The following HGSNAT variants were observed in gnomAD, a reference collection of about 807,000 sequenced individuals.
HGSNAT encodes the protein heparan-alpha-glucosaminide N-acetyltransferase, also known as transmembrane protein 76.
A neutral mutation model predicts 85.2 loss-of-function variants in HGSNAT; 59 were observed. The observed-to-expected ratio is 0.69, with a 90% confidence interval of 0.56 to 0.86. The LOEUF is 0.86. HGSNAT is among the 40% of genes least tolerant of loss of function. The pLI is 0.00. For synonymous variants in HGSNAT, 321 were observed against 304.5 expected, an observed-to-expected ratio of 1.05 and a Z score of -0.56; for missense variants, 756 against 777.1, an observed-to-expected ratio of 0.97 and a Z score of 0.32.
intron 5 of HGSNAT, chr8:43,167,864 C>T: frequency 5.0e-6 from 1 of 201,824 alleles, no homozygotes; most frequent in South Asian, 5.3e-5. Context: ...ATATATTTAT[C>T]TTTTGTTAGT....
chr8:43,169,901 G>A (rs1158450399), intron 6 of HGSNAT, among the ~76,000 whole-genome samples: 3 of 152,056 alleles, frequency 2.0e-5, no homozygotes, highest in Non-Finnish European at 2.9e-5. Context: ...ACTCGCTGCA[G>A]CCTCAACCTC....
chr8:43,180,588 C>T (rs1586737681), intron 10 of HGSNAT: 1 of 152,090 alleles, frequency 6.6e-6, no homozygotes, highest in South Asian at 8.5e-5. Context: ...GGCGGCCGGG[C>T]AGAGACGCTC....
chr8:43,190,147 G>A (rs916012571), intron 11 of HGSNAT, among the ~76,000 whole-genome samples: 3 of 152,180 alleles, frequency 2.0e-5, no homozygotes, highest in Non-Finnish European at 2.9e-5. Flanking sequence ...AAGCATGTCG[G>A]AGTCCCATCT....
intron 2 of HGSNAT, among the ~76,000 whole-genome samples, chr8:43,155,273 A>G (rs1803056895): frequency 6.6e-6 from 1 of 152,164 alleles, no homozygotes; most frequent in Non-Finnish European, 1.5e-5. Context: ...TAGCCAATCT[A>G]AATAACTGAG....
intron 11 of HGSNAT, among the ~76,000 whole-genome samples, chr8:43,187,308 T>G (rs1270173794): frequency 3.3e-5 from 5 of 152,242 alleles, no homozygotes; most frequent in Non-Finnish European, 7.3e-5. Flanking sequence ...AGGACTTGCT[T>G]TATAAATCTG....
chr8:43,150,103 C>T (rs6993615), intron 2 of HGSNAT, among the ~76,000 whole-genome samples: 112,667 of 151,822 alleles, frequency 0.74, 44,108 homozygotes, highest in Non-Finnish European at 0.87. Flanking sequence ...ACTACAGGCG[C>T]CCGCCACCGC....
chr8:43,145,660 A>T (rs1446934602), intron 1 of HGSNAT, among the ~76,000 whole-genome samples: 1 of 152,186 alleles, frequency 6.6e-6, no homozygotes, highest in South Asian at 2.1e-4. Context: ...CTGAGGCAGG[A>T]GAATGGCTTG....
At chr8:43,178,023 TA>T in intron 9 of HGSNAT, 50 bp from the exon 10 acceptor site, 2 of 1,469,056 alleles carry the variant, frequency 1.4e-6, no homozygotes, top group Non-Finnish European at 1.9e-6. Context: ...TACTGATATA[TA>T]GACAAAAAAT....
Position 43,196,630 on chromosome 8 carries a change from C to T in HGSNAT, c.1465-318C>T, listed in dbSNP as rs535233441. The T allele has an allele frequency of 1.1e-4, 99 of 880,810 alleles. No homozygotes were observed. The African/African-American group carries it at 1.5e-3, about 14-fold the overall frequency. The allele number at this position is 880,810 out of a possible 1,614,324, so 54.6% of individuals were successfully genotyped here. Reference sequence around the variant, plus strand: ...GTGTGGCTACCATGCTTCCCCCGAGCTCTGTGCCTGCTGCCCCATTCTGCT... The same window carrying T: ...GTGTGGCTACCATGCTTCCCCCGAGTTCTGTGCCTGCTGCCCCATTCTGCT... On this transcript the variant is annotated intron_variant, in intron 14 of 17. Coordinates refer to ENST00000379644, the MANE Select transcript of HGSNAT (RefSeq NM_152419.3).
Position 43,172,285 on chromosome 8 carries a change from G to C in HGSNAT, c.744-25G>C, listed in dbSNP as rs186434281. The C allele has an allele frequency of 2.4e-4, 378 of 1,554,174 alleles. 2 individuals are homozygous for C. In the African/African-American group the frequency reaches 4.6e-3, roughly 19 times the overall value. On this transcript the variant is annotated intron_variant, in intron 7 of 17. Coordinates refer to ENST00000379644, the MANE Select transcript of HGSNAT (RefSeq NM_152419.3). ...CTTTTCACATAGCAAACCCTGAAAG[G>C]CTTCTCTTTGTTGGCTTCTTCTAGG...
Position 43,169,155 on chromosome 8 carries a change from C to T in HGSNAT, c.564-18C>T, listed in dbSNP as rs1204474949. ...TGCCAATGAAAATAAATTAATTGAGCCCTTTATTTATTTTCAGTTTGGATG... is the reference window on the plus strand; with the variant it reads ...TGCCAATGAAAATAAATTAATTGAGTCCTTTATTTATTTTCAGTTTGGATG... On this transcript the variant is annotated intron_variant, in intron 5 of 17. Transcript: ENST00000379644. 6.9e-7 allele frequency: 1 copy of T among 1,459,644 alleles called. No individual in the cohort carries two copies. The highest frequency in any genetic ancestry group is 9.2e-7 in the Non-Finnish European group (1 of 1,085,556). The allele number at this position is 1,459,644 out of a possible 1,614,324, so 90.4% of individuals were successfully genotyped here. A position where few individuals can be genotyped will look rare whatever the true frequency, so the allele number is the denominator to read the frequency against.
intron 2 of HGSNAT, 41 bp downstream of exon 2, chr8:43,147,104 T>C (rs566586115): frequency 1.7e-6 from 2 of 1,159,210 alleles, no homozygotes; most frequent in African/African-American, 3.1e-5. Context: ...GCTTTGGGGC[T>C]TGTTTGATAT....
chr8:43,180,107 C>CA (rs1480456485), intron 10 of HGSNAT, among the ~76,000 whole-genome samples: 1 of 129,392 alleles, frequency 7.7e-6, no homozygotes, highest in African/African-American at 3.1e-5. Context: ...GGCCGACCCC[C>CA]CCCCCCACCG....
intron 11 of HGSNAT, among the ~76,000 whole-genome samples, chr8:43,188,286 GAC>G (rs1804395146): frequency 1.3e-5 from 2 of 152,202 alleles, no homozygotes; most frequent in Non-Finnish European, 2.9e-5. Context: ...ACACCAATCA[GAC>G]ACAGATTTGA....
intron 17 of HGSNAT, among the ~76,000 whole-genome samples, chr8:43,198,280 C>CTTTTTTTTTTTT (rs59416007): frequency 1.1e-5 from 1 of 90,332 alleles, no homozygotes; most frequent in Non-Finnish European, 2.1e-5. Context: ...GTTTCTGGTT[C>CTTTTTTTTTTTT]TTTTTTTTTT....
At position 43,191,923 on chromosome 8, in the gene HGSNAT, C is replaced by T. The variant is rs1804544445; in HGVS notation, c.1250+328C>T. Reference sequence around the variant, plus strand: ...GGGCTGCATACATAGCCAATATAAACCATGTTTTTTTTTTCTCTTTTTGGA... The same window carrying T: ...GGGCTGCATACATAGCCAATATAAATCATGTTTTTTTTTTCTCTTTTTGGA... On this transcript the variant is annotated intron_variant, in intron 12 of 17. Transcript: ENST00000379644. Among the ~76,000 whole-genome samples the T allele has an allele frequency of 2.6e-5, 4 of 151,974 alleles. No homozygotes were observed. In the South Asian group the frequency reaches 6.3e-4, roughly 24 times the overall value.
intron 1 of HGSNAT, among the ~76,000 whole-genome samples, chr8:43,144,844 G>A (rs1040227870): frequency 6.6e-6 from 1 of 152,174 alleles, no homozygotes; most frequent in Non-Finnish European, 1.5e-5. Context: ...TACTGGCTCT[G>A]AAGACAAAGC....
At chr8:43,160,311 A>G (rs1803230492) in intron 4 of HGSNAT, among the ~76,000 whole-genome samples, 1 of 152,226 alleles carries the variant, frequency 6.6e-6, no homozygotes, top group African/African-American at 2.4e-5. Flanking sequence ...AGGGCAGGAT[A>G]TGTCGCAACC....
chr8:43,144,116 T>C (rs1032346849), intron 1 of HGSNAT, among the ~76,000 whole-genome samples: 3 of 151,926 alleles, frequency 2.0e-5, no homozygotes, highest in African/African-American at 4.8e-5. Flanking sequence ...CCCCAGGAAG[T>C]TGAGACCAGC....
Sources: gnomAD v4.1 joint callset for allele counts (sites outside exome capture counted in the v4.1 genomes callset) on GRCh38, gnomAD v4.1.1 for gene constraint, MANE v1.5 for transcripts, NCBI Gene and HGNC (gene_info 2026-07-23, HGNC 2026-07-21) for gene names.